Variants in TTC7B observed in about 807,000 individuals in gnomAD.
TTC7B encodes tetratricopeptide repeat domain 7B, also known as tetratricopeptide repeat protein 7B.
TTC7B carries 28 observed loss-of-function variants against 106.8 expected under a neutral mutation model. The observed-to-expected ratio is 0.26, with a 90% CI of 0.19 to 0.36. The LOEUF (loss-of-function observed/expected upper bound fraction) is 0.36. Among genes scored for constraint, TTC7B ranks in the 10% least tolerant of loss-of-function variants. The pLI is 1.00. For missense variants in TTC7B, 862 were observed against 1,076.4 expected (o/e 0.80, Z 2.79); for synonymous variants, 405 against 430.6 (o/e 0.94, Z 0.74).
At chr14:90,684,439 C>T (rs1887177413) in intron 7 of TTC7B, among the ~76,000 whole-genome samples, 1 of 152,086 alleles carries the variant, frequency 6.6e-6, no homozygotes, top group Admixed American at 6.6e-5. Context: ...AGACTCTTCA[C>T]AGAAGCACTG....
At chr14:90,797,536 C>T (rs2029958961) in intron 1 of TTC7B, among the ~76,000 whole-genome samples, 1 of 151,808 alleles carries the variant, frequency 6.6e-6, no homozygotes, top group African/African-American at 2.4e-5. Context: ...CCGGGTAACC[C>T]AGCATTTGCA....
rs116670492 is a variant in TTC7B, at chr14:90,764,944, T to A, written c.445+15794A>T. On this transcript the variant is annotated intron_variant, in intron 3 of 19. Transcript: ENST00000328459. ...CAATAATCCCACCCCTAAGTATACA[T>A]CCAAGATAAATGAAAACCCAAAATG... 4.2e-3 allele frequency among the ~76,000 whole-genome samples: 639 copies of A among 152,164 alleles called. 3 individuals carry two copies. Among genetic ancestry groups the A allele is most frequent in the African/African-American group, 0.015 (616 of 41,502 alleles).
chr14:90,597,699 C>T (rs773665343), intron 17 of TTC7B, among the ~76,000 whole-genome samples: 1 of 151,782 alleles, frequency 6.6e-6, no homozygotes, highest in Non-Finnish European at 1.5e-5. Context: ...AAACCCTGTA[C>T]TGTATTTTAT....
intron 9 of TTC7B, chr14:90,676,221 G>A (rs1246549897): frequency 2.1e-5 from 5 of 236,990 alleles, no homozygotes; most frequent in Non-Finnish European, 3.8e-5. Context: ...TCACAGATGG[G>A]AGATTTTCAG....
chr14:90,731,869 A>C (rs118112946), intron 4 of TTC7B, among the ~76,000 whole-genome samples: 1 of 152,320 alleles, frequency 6.6e-6, no homozygotes, highest in Non-Finnish European at 1.5e-5. Flanking sequence ...TCACATATCC[A>C]ACTGCTGCAC....
intron 1 of TTC7B, among the ~76,000 whole-genome samples, chr14:90,806,257 A>G (rs961707972): frequency 6.6e-6 from 1 of 152,246 alleles, no homozygotes; most frequent in Admixed American, 6.5e-5. Flanking sequence ...AAAGCACTGA[A>G]TGAACGGCTG....
intron 16 of TTC7B, among the ~76,000 whole-genome samples, chr14:90,611,673 C>G (rs1892881967): frequency 6.6e-6 from 1 of 152,142 alleles, no homozygotes; most frequent in Non-Finnish European, 1.5e-5. Flanking sequence ...TGAGTCCCCT[C>G]TCTAGCTTGT....
intron 17 of TTC7B, among the ~76,000 whole-genome samples, chr14:90,597,866 G>T (rs1473862985): frequency 1.3e-5 from 2 of 152,188 alleles, no homozygotes; most frequent in Non-Finnish European, 2.9e-5. Flanking sequence ...ACATCAGAAT[G>T]AGAGCACTAT....
chr14:90,528,537 C>T lies in TTC7B; in HGVS notation c.*12831G>A, dbSNP rs1889202121. 1 of 153,116 alleles carries T rather than the reference C, an allele frequency of 6.5e-6. No individual in the cohort carries two copies. The highest frequency in any genetic ancestry group is 1.5e-5 in the Non-Finnish European group (1 of 68,854). The allele number at this position is 153,116 out of a possible 1,614,324, so 9.5% of individuals were successfully genotyped here. A position where few individuals can be genotyped will look rare whatever the true frequency, so the allele number is the denominator to read the frequency against. ...ACCCGTTTCTGATGGCATGACCCGA[C>T]TGCACTTTGTTACCTGTTTTGATGG... On this transcript the variant is annotated 3_prime_UTR_variant, in exon 20 of 20. Coordinates refer to ENST00000328459, the MANE Select transcript of TTC7B (RefSeq NM_001010854.2).
At chr14:90,630,839 T>TC (rs1357452837) in intron 15 of TTC7B, among the ~76,000 whole-genome samples, 1 of 91,734 alleles carries the variant, frequency 1.1e-5, no homozygotes, top group African/African-American at 3.0e-5. Flanking sequence ...TTGTTTTTTG[T>TC]TTTTTTTTTT....
At chr14:90,563,889 C>T (rs116773624) in intron 19 of TTC7B, among the ~76,000 whole-genome samples, 2,316 of 152,234 alleles carry the variant, frequency 0.015, 62 homozygotes, top group African/African-American at 0.053. Context: ...TGCAGTAATT[C>T]AGTCACATCT....
At position 90,644,098 on chromosome 14, in the gene TTC7B, G is replaced by A. The variant is rs61739484; in HGVS notation, c.1701C>T (p.Asp567=). 9.1e-4 allele frequency: 1,463 copies of A among 1,614,140 alleles called. 10 individuals carry two copies. In the African/African-American group the frequency reaches 0.017, roughly 18 times the overall value. The change falls in exon 15 of 20, where the codon GAC becomes GAT. Residue 567 remains aspartate, a synonymous_variant. Coordinates refer to ENST00000328459, the MANE Select transcript of TTC7B (RefSeq NM_001010854.2). The stretch of plus-strand genomic sequence containing the variant: ...GGGCCATGTCGATGATGTTCAGAGC[G>A]TCATGGTAATGCTTCTGTGCTGACA... ...LLLSAQKHYH[D]ALNIIDMALS...
At chr14:90,718,353 C>A (rs545717773) in intron 5 of TTC7B, among the ~76,000 whole-genome samples, 17 of 152,340 alleles carry the variant, frequency 1.1e-4, no homozygotes, top group African/African-American at 3.6e-4. Context: ...TCTTTCAGAG[C>A]CAGCTTGAGG....
chr14:90,616,810 C>T (rs1235833161), intron 16 of TTC7B, among the ~76,000 whole-genome samples: 1 of 152,184 alleles, frequency 6.6e-6, no homozygotes, highest in African/African-American at 2.4e-5. Context: ...CAGCCCACTG[C>T]CCGCCTCACC....
intron 19 of TTC7B, among the ~76,000 whole-genome samples, chr14:90,576,684 C>G (rs1891272965): frequency 6.6e-6 from 1 of 152,120 alleles, no homozygotes; most frequent in African/African-American, 2.4e-5. Flanking sequence ...AGGACCAGGG[C>G]TTAGTTCGAG....
At chr14:90,644,333 T>C (rs1885340720) in intron 14 of TTC7B, 125 bp from the exon 15 acceptor site, 2 of 1,004,326 alleles carry the variant, frequency 2.0e-6, no homozygotes, top group Non-Finnish European at 2.8e-6. Context: ...TATTGAGTTG[T>C]TTCACATTGT....
intron 6 of TTC7B, among the ~76,000 whole-genome samples, 189 bp from the exon 7 acceptor site, chr14:90,689,901 A>G (rs962742152): frequency 6.6e-6 from 1 of 152,246 alleles, no homozygotes; most frequent in Admixed American, 6.5e-5. Context: ...AATATGATTC[A>G]CTAAGATGTT....
chr14:90,719,113 C>A (rs57914979), intron 5 of TTC7B, among the ~76,000 whole-genome samples: 3,079 of 151,798 alleles, frequency 0.02, 100 homozygotes, highest in African/African-American at 0.071. Context: ...AACAAACAAA[C>A]AAAAAAACAA....
intron 6 of TTC7B, among the ~76,000 whole-genome samples, chr14:90,689,924 A>T (rs1940994833): frequency 6.6e-6 from 1 of 152,230 alleles, no homozygotes; most frequent in Non-Finnish European, 1.5e-5. Flanking sequence ...AACACTTAAA[A>T]GGTTCATGTA....
Sources: allele counts gnomAD v4.1 joint callset (sites outside exome capture counted in the v4.1 genomes callset), GRCh38; gene constraint gnomAD v4.1.1; transcripts MANE v1.5; gene names NCBI Gene and HGNC (gene_info 2026-07-23, HGNC 2026-07-21).